WDR1: variants seen among roughly 807,000 people sequenced by gnomAD.
WDR1 encodes the protein WD repeat domain 1, also known as WD repeat-containing protein 1.
In WDR1, 21 loss-of-function variants were observed where a neutral mutation model predicts 71.9. That is an observed-to-expected ratio of 0.29 (90% CI 0.21 to 0.42). The LOEUF is 0.42. Ranked by LOEUF, WDR1 falls within the 10% of genes least tolerant of loss-of-function variation. The pLI is 1.00. For missense variants in WDR1, 696 were observed against 824.5 expected, an observed-to-expected ratio of 0.84 and a Z score of 1.91; for synonymous variants, 424 against 347.4, an observed-to-expected ratio of 1.22 and a Z score of -2.45.
At chr4:10,106,285 T>A (rs143362913) in intron 2 of WDR1, 2 of 152,348 alleles carry the variant, frequency 1.3e-5, no homozygotes, top group African/African-American at 2.4e-5. Flanking sequence ...GGCTATTTAT[T>A]AAATGTCTGC....
chr4:10,115,100 T>C (rs1216993114), intron 2 of WDR1, among the ~76,000 whole-genome samples: 1 of 152,238 alleles, frequency 6.6e-6, no homozygotes, highest in African/African-American at 2.4e-5. Flanking sequence ...AACCCTTGTA[T>C]GCCTATGGCA....
intron 12 of WDR1, 199 bp downstream of exon 12, chr4:10,078,692 G>C (rs1764891149): frequency 1.9e-6 from 1 of 532,950 alleles, no homozygotes; most frequent in East Asian, 3.5e-5. Context: ...GCCGAGGAGG[G>C]GAGGGGAAGG....
Position 10,116,161 on chromosome 4 carries a change from G to A in WDR1, c.90C>T (p.Asn30=). ...SKIIGGDPKG[N]NFLYTNGKCV... ...ACTTTCCATTGGTGTACAGAAAATTGTTGCCCTTAGGGTCGCCGCCGATGA... is the reference window on the plus strand; with the variant it reads ...ACTTTCCATTGGTGTACAGAAAATTATTGCCCTTAGGGTCGCCGCCGATGA... The change falls in exon 2 of 15, where the codon AAC becomes AAT. Residue 30 remains asparagine, a synonymous_variant. Coordinates refer to ENST00000499869, the MANE Select transcript of WDR1 (RefSeq NM_017491.5). The A allele has an allele frequency of 1.9e-6, 3 of 1,613,674 alleles. No homozygotes were observed. The highest frequency in any genetic ancestry group is 2.5e-6 in the Non-Finnish European group (3 of 1,179,806).
intron 3 of WDR1, among the ~76,000 whole-genome samples, chr4:10,099,583 A>G (rs377692340): frequency 6.6e-6 from 1 of 152,346 alleles, no homozygotes; most frequent in Admixed American, 6.5e-5. Context: ...CACTGGCTAC[A>G]CCTGCCTCTC....
intron 3 of WDR1, among the ~76,000 whole-genome samples, chr4:10,101,767 C>T (rs1712695469): frequency 6.6e-6 from 1 of 152,250 alleles, no homozygotes; most frequent in Non-Finnish European, 1.5e-5. Flanking sequence ...GGACAATGTG[C>T]CAGGCAGGAG....
chr4:10,096,055 C>T (rs1712332389), intron 5 of WDR1: 1 of 152,266 alleles, frequency 6.6e-6, no homozygotes, highest in Admixed American at 6.5e-5. Context: ...AAAGAATGTT[C>T]TGGACAAGTC....
chr4:10,094,102 G>A (rs548400749), intron 5 of WDR1, among the ~76,000 whole-genome samples: 4 of 152,322 alleles, frequency 2.6e-5, no homozygotes, highest in South Asian at 2.1e-4. Context: ...GAAGTCTTCC[G>A]TGCTGAACAT....
chr4:10,101,786 C>G (rs77061742), intron 3 of WDR1, among the ~76,000 whole-genome samples: 2,519 of 152,354 alleles, frequency 0.017, 41 homozygotes, highest in Non-Finnish European at 0.027. Context: ...AGCGGAGGCC[C>G]TTGCCAACTG....
chr4:10,111,327 G>T (rs1303933569), intron 2 of WDR1, among the ~76,000 whole-genome samples: 1 of 152,222 alleles, frequency 6.6e-6, no homozygotes, highest in East Asian at 1.9e-4. Flanking sequence ...CCCAGATGTG[G>T]TCCCATCTGC....
At chr4:10,099,184 G>GGGGGGGGT in intron 3 of WDR1, 45 bp from the exon 4 acceptor site, 2 of 450,124 alleles carry the variant, frequency 4.4e-6, no homozygotes, top group East Asian at 5.6e-5. Context: ...CGGTGGTGGG[G>GGGGGGGGT]TAAAGGGCAG....
intron 2 of WDR1, among the ~76,000 whole-genome samples, chr4:10,111,057 T>C (rs551502573): frequency 6.6e-6 from 1 of 152,358 alleles, no homozygotes; most frequent in South Asian, 2.1e-4. Flanking sequence ...GCCGCCTTCA[T>C]CTTTGAGCAG....
At chr4:10,114,918 C>T (rs556761200) in intron 2 of WDR1, among the ~76,000 whole-genome samples, 2 of 152,294 alleles carry the variant, frequency 1.3e-5, no homozygotes, top group Admixed American at 1.3e-4. Flanking sequence ...GAGACAGATG[C>T]GGGCAGAGCC....
chr4:10,088,732 G>C lies in WDR1; in HGVS notation c.568C>G (p.Arg190Gly). Residue 190 changes from arginine (R) to glycine (G), a missense_variant, in exon 6 of 15, where the codon CGC (arginine) becomes GGC (glycine). Physicochemically the swap from Arg to Gly is moderately radical, Grantham distance 125. Transcript: ENST00000499869. ...KFKFTIGDHS[R>G]FVNCVRFSPD... ...GAGAATCGCACACAGTTGACAAAGC[G>C]GCTGTGGTCCTGCAGGAAAACAATT... is the stretch of plus-strand genomic sequence containing the variant. 1.2e-6 allele frequency: 2 copies of C among 1,600,884 alleles called. No homozygotes were observed. The highest frequency in any genetic ancestry group is 1.7e-6 in the Non-Finnish European group (2 of 1,173,706).
intron 2 of WDR1, chr4:10,106,505 G>T (rs1392795918): frequency 6.6e-6 from 1 of 152,278 alleles, no homozygotes; most frequent in African/African-American, 2.4e-5. Flanking sequence ...ATGGCCTCGT[G>T]GGCTCTCCCA....
intron 9 of WDR1, chr4:10,083,704 G>GT (rs1482512272): frequency 6.5e-6 from 3 of 459,072 alleles, no homozygotes; most frequent in Non-Finnish European, 1.3e-5. Context: ...CATCAGCAAC[G>GT]TGTGTGGGCA....
chr4:10,113,132 G>A (rs1310683059), intron 2 of WDR1, among the ~76,000 whole-genome samples: 1 of 152,234 alleles, frequency 6.6e-6, no homozygotes, highest in African/African-American at 2.4e-5. Context: ...AGGCGAGCGA[G>A]CAGATCACTT....
chr4:10,099,014 C>A lies in WDR1; in HGVS notation c.355G>T (p.Val119Leu). 3.1e-6 allele frequency: 5 copies of A among 1,614,052 alleles called. No individual in the cohort carries two copies. Among genetic ancestry groups the A allele is most frequent in the Admixed American group, 1.7e-5 (1 of 60,028 alleles). ...AWTEDSKRIA[V>L]VGEGREKFGA... ...CACTTCTCCCTTCCTTCCCCGACCA[C>A]GGCGATCCTCTTACTGTCTTCAGTC... The change falls in exon 4 of 15, where the codon GTG becomes TTG. Residue 119 changes from valine (V) to leucine (L), a missense_variant. Transcript: ENST00000499869.
At chr4:10,114,953 T>C (rs1399691049) in intron 2 of WDR1, among the ~76,000 whole-genome samples, 1 of 152,120 alleles carries the variant, frequency 6.6e-6, no homozygotes, top group East Asian at 1.9e-4. Flanking sequence ...CCAAGAGGCT[T>C]CTCCTTTCAC....
Position 10,116,736 on chromosome 4 carries a change from C to G in WDR1, c.-70G>C. On this transcript the variant is annotated 5_prime_UTR_variant, in exon 1 of 15. Transcript: ENST00000499869. Reference sequence around the variant, plus strand: ...GGCCGGCCCGCGCTGCGAATTACACCTCGCCGAGGCCGAGCCCGGGGACTG... The same window carrying G: ...GGCCGGCCCGCGCTGCGAATTACACGTCGCCGAGGCCGAGCCCGGGGACTG... 7.8e-7 allele frequency: 1 copy of G among 1,278,714 alleles called. No individual in the cohort carries two copies. The highest frequency in any genetic ancestry group is 9.9e-7 in the Non-Finnish European group (1 of 1,010,780). The allele number at this position is 1,278,714 out of a possible 1,614,324, so 79.2% of individuals were successfully genotyped here. A position where few individuals can be genotyped will look rare whatever the true frequency, so the allele number is the denominator to read the frequency against.
Sources: gnomAD v4.1 joint callset for allele counts (sites outside exome capture counted in the v4.1 genomes callset) on GRCh38, gnomAD v4.1.1 for gene constraint, MANE v1.5 for transcripts, NCBI Gene and HGNC (gene_info 2026-07-23, HGNC 2026-07-21) for gene names.